DLG2: variants seen among roughly 807,000 people sequenced by gnomAD.
DLG2 encodes disks large homolog 2.
A neutral mutation model predicts 132.5 loss-of-function variants in DLG2; 45 were observed. The observed-to-expected ratio is 0.34, with a 90% confidence interval of 0.27 to 0.44. The LOEUF (loss-of-function observed/expected upper bound fraction) is 0.44. Ranked by LOEUF, DLG2 falls within the 20% of genes least tolerant of loss-of-function variation. The pLI is 1.00. For synonymous variants in DLG2, 424 were observed against 419.6 expected (o/e 1.01, Z -0.13); for missense variants, 1,045 against 1,196.9 (o/e 0.87, Z 1.87).
chr11:83,694,638 T>A (rs1364089863), intron 18 of DLG2, among the ~76,000 whole-genome samples: 2 of 152,246 alleles, frequency 1.3e-5, no homozygotes, highest in African/African-American at 4.8e-5. Context: ...GGTCCCATTG[T>A]TTCTCTTATT....
intron 6 of DLG2, among the ~76,000 whole-genome samples, chr11:84,771,815 T>C (rs1295251312): frequency 1.3e-5 from 2 of 152,014 alleles, no homozygotes; most frequent in Non-Finnish European, 2.9e-5. Flanking sequence ...ATGTAAATGC[T>C]CTAAATGCCT....
At chr11:84,437,746 T>A (rs2099005243) in intron 7 of DLG2, 1 of 152,274 alleles carries the variant, frequency 6.6e-6, no homozygotes, top group African/African-American at 2.4e-5. Context: ...CACATCCAGT[T>A]GGCTAAGTAT....
intron 3 of DLG2, among the ~76,000 whole-genome samples, chr11:85,405,115 G>T (rs964917295): frequency 6.6e-6 from 1 of 151,928 alleles, no homozygotes; most frequent in Non-Finnish European, 1.5e-5. Context: ...TGAATACCCA[G>T]CAAGGCATGT....
chr11:84,744,971 A>G (rs1416295011), intron 6 of DLG2, among the ~76,000 whole-genome samples: 1 of 151,666 alleles, frequency 6.6e-6, no homozygotes, highest in Non-Finnish European at 1.5e-5. Flanking sequence ...TCTTTTAACC[A>G]AACAGATATC....
chr11:83,974,758 G>A (rs1994150), intron 12 of DLG2, among the ~76,000 whole-genome samples: 10,919 of 152,102 alleles, frequency 0.072, 531 homozygotes, highest in Admixed American at 0.11. Context: ...AAAGATGGAT[G>A]TGACTTGCCC....
chr11:84,559,585 G>C (rs1370176339), intron 6 of DLG2, among the ~76,000 whole-genome samples: 1 of 151,928 alleles, frequency 6.6e-6, no homozygotes, highest in East Asian at 1.9e-4. Context: ...TCTTTTAAAA[G>C]CTCTCCATCC....
chr11:85,466,233 G>T (rs1400435561), intron 3 of DLG2, among the ~76,000 whole-genome samples: 1 of 152,096 alleles, frequency 6.6e-6, no homozygotes. Context: ...CGAGTAAATT[G>T]CAAAAATTTT....
chr11:84,891,487 T>C (rs2089382967), intron 6 of DLG2, among the ~76,000 whole-genome samples: 1 of 152,044 alleles, frequency 6.6e-6, no homozygotes, highest in Admixed American at 6.6e-5. Flanking sequence ...TACACCACAA[T>C]TTCAACCCTA....
intron 4 of DLG2, among the ~76,000 whole-genome samples, chr11:85,237,172 T>C (rs564204357): frequency 6.6e-6 from 1 of 152,186 alleles, no homozygotes; most frequent in East Asian, 1.9e-4. Flanking sequence ...CTAAAACAGA[T>C]ATTGCTTCCA....
intron 19 of DLG2, among the ~76,000 whole-genome samples, chr11:83,542,221 A>T (rs2096092481): frequency 6.6e-6 from 1 of 151,892 alleles, no homozygotes; most frequent in Admixed American, 6.6e-5. Flanking sequence ...TTACTAAAAA[A>T]AGTAAAATAA....
At chr11:85,216,809 C>T (rs2082638623) in intron 4 of DLG2, among the ~76,000 whole-genome samples, 1 of 151,992 alleles carries the variant, frequency 6.6e-6, no homozygotes, top group African/African-American at 2.4e-5. Context: ...CAATTCTCTG[C>T]CTCAGCCTCC....
intron 6 of DLG2, among the ~76,000 whole-genome samples, chr11:84,671,295 G>T (rs1167194518): frequency 6.6e-6 from 1 of 151,856 alleles, no homozygotes; most frequent in South Asian, 2.1e-4. Flanking sequence ...TAGAGACAGG[G>T]TCTCACTGTG....
At chr11:83,966,766 A>G (rs1235363508) in intron 12 of DLG2, among the ~76,000 whole-genome samples, 1 of 152,034 alleles carries the variant, frequency 6.6e-6, no homozygotes, top group African/African-American at 2.4e-5. Flanking sequence ...GCTAAAATCT[A>G]CTTATTTCGC....
At chr11:84,551,963 T>C (rs1565277472) in intron 6 of DLG2, among the ~76,000 whole-genome samples, 1 of 152,080 alleles carries the variant, frequency 6.6e-6, no homozygotes. Context: ...TCTTCCAGAG[T>C]GGGGTCCATC....
intron 6 of DLG2, among the ~76,000 whole-genome samples, chr11:84,684,369 C>T (rs1341150031): frequency 6.6e-6 from 1 of 152,174 alleles, no homozygotes; most frequent in East Asian, 1.9e-4. Flanking sequence ...TTCCTTTATA[C>T]AACTTTCTTT....
intron 19 of DLG2, among the ~76,000 whole-genome samples, chr11:83,567,714 G>A (rs1464973753): frequency 6.6e-6 from 1 of 152,082 alleles, no homozygotes; most frequent in African/African-American, 2.4e-5. Flanking sequence ...AGTCTGTCTG[G>A]GTAGGCTGTC....
intron 6 of DLG2, among the ~76,000 whole-genome samples, chr11:84,843,975 A>G (rs1245282847): frequency 6.7e-6 from 1 of 150,174 alleles, no homozygotes; most frequent in Non-Finnish European, 1.5e-5. Context: ...ATTATATGTA[A>G]TAGATACATA....
intron 7 of DLG2, among the ~76,000 whole-genome samples, chr11:84,427,569 T>C (rs927231233): frequency 6.6e-6 from 1 of 152,100 alleles, no homozygotes; most frequent in Non-Finnish European, 1.5e-5. Context: ...GAAAAAAATA[T>C]ATAGGAAAGT....
chr11:85,042,792 T>G (rs1373471842), intron 6 of DLG2, among the ~76,000 whole-genome samples: 1 of 151,940 alleles, frequency 6.6e-6, no homozygotes, highest in East Asian at 1.9e-4. Context: ...CCAAACAATT[T>G]AAAGATAAGC....
Sources: gnomAD v4.1 joint callset for allele counts (sites outside exome capture counted in the v4.1 genomes callset) on GRCh38, gnomAD v4.1.1 for gene constraint, MANE v1.5 for transcripts, NCBI Gene and HGNC (gene_info 2026-07-23, HGNC 2026-07-21) for gene names.